Variants in MEI4 observed in about 807,000 individuals in gnomAD.
The protein encoded by MEI4 is meiotic double-stranded break formation protein 4.
A neutral mutation model predicts 31.4 loss-of-function variants in MEI4; 27 were observed. The ratio of observed to expected loss-of-function variants is 0.86; its 90% CI spans 0.63 to 1.19. MEI4 has a LOEUF of 1.19. Ranked by LOEUF, MEI4 falls within the 50% of genes most tolerant of loss-of-function variation. The pLI is 0.00. For synonymous variants in MEI4, 122 were observed against 145.4 expected (o/e 0.84, Z 1.16); for missense variants, 329 against 398.9 (o/e 0.82, Z 1.49).
At chr6:77,920,375 A>G (rs183934116) in intron 4 of MEI4, among the ~76,000 whole-genome samples, 13 of 152,172 alleles carry the variant, frequency 8.5e-5, no homozygotes, top group African/African-American at 2.9e-4. Context: ...AATACAGCAT[A>G]TAAACAGAGC....
At chr6:77,797,464 A>G (rs1769110315) in intron 3 of MEI4, among the ~76,000 whole-genome samples, 4 of 152,168 alleles carry the variant, frequency 2.6e-5, no homozygotes. Context: ...CATAAGGCAA[A>G]GTCCCATGGT....
chr6:77,712,843 C>T (rs1175918286), intron 2 of MEI4, among the ~76,000 whole-genome samples: 2 of 151,772 alleles, frequency 1.3e-5, no homozygotes, highest in South Asian at 2.1e-4. Context: ...TGGTGGTGGG[C>T]GCCTGTAGTC....
rs987303051 is a variant in MEI4 at position 77,742,880 on chromosome 6, C to A, written c.233-18250C>A. On this transcript the variant is annotated intron_variant, in intron 2 of 4. Transcript: ENST00000684080. ...CAGCACCATTTATTAAATAGGGACT[C>A]CTTTCCCCATTGCTTGTTTTTCACA... Among the ~76,000 whole-genome samples the A allele has an allele frequency of 3.3e-5, 5 of 152,026 alleles. No individual in the cohort carries two copies. In the East Asian group the frequency reaches 7.7e-4, roughly 23 times the overall value.
intron 4 of MEI4, among the ~76,000 whole-genome samples, chr6:77,921,876 A>G (rs996213809): frequency 6.6e-6 from 1 of 151,804 alleles, no homozygotes; most frequent in African/African-American, 2.4e-5. Context: ...AAAACAAAGT[A>G]GTAACATCAT....
intron 2 of MEI4, among the ~76,000 whole-genome samples, chr6:77,729,244 T>C (rs988047455): frequency 2.0e-5 from 3 of 152,226 alleles, no homozygotes; most frequent in South Asian, 2.1e-4. Context: ...CATTTATGCC[T>C]AGTGTCCCAT....
intron 1 of MEI4, among the ~76,000 whole-genome samples, chr6:77,659,006 G>A (rs1383663189): frequency 7.9e-5 from 12 of 152,058 alleles, no homozygotes; most frequent in Non-Finnish European, 1.6e-4. Flanking sequence ...AGGCCTCGGC[G>A]GTTTTGGAGG....
At chr6:77,795,323 G>C (rs1424178814) in intron 3 of MEI4, among the ~76,000 whole-genome samples, 1 of 152,100 alleles carries the variant, frequency 6.6e-6, no homozygotes, top group East Asian at 1.9e-4. Context: ...GTGGAGTTTA[G>C]AGATCCAAAT....
At chr6:77,666,876 TGTGTGTGCGTGC>T (rs1768646075) in intron 1 of MEI4, among the ~76,000 whole-genome samples, 1 of 122,034 alleles carries the variant, frequency 8.2e-6, no homozygotes, top group Admixed American at 9.0e-5. Flanking sequence ...TGTGTGTGTG[TGTGTGTGCGTGC>T]GTGCGTGCGT....
At chr6:77,808,626 G>A (rs1168827883) in intron 3 of MEI4, among the ~76,000 whole-genome samples, 1 of 152,164 alleles carries the variant, frequency 6.6e-6, no homozygotes, top group Non-Finnish European at 1.5e-5. Flanking sequence ...AACCTTGAGA[G>A]GAGGTTGTTT....
chr6:77,856,825 C>T (rs1460415375), intron 4 of MEI4, among the ~76,000 whole-genome samples: 1 of 152,156 alleles, frequency 6.6e-6, no homozygotes, highest in Non-Finnish European at 1.5e-5. Context: ...TCATCTTATC[C>T]ACCTACCTAT....
rs556261963 is a variant in MEI4 at position 77,865,118 on chromosome 6, A to T, written c.900+36056A>T. 1.7e-3 allele frequency among the ~76,000 whole-genome samples: 253 copies of T among 152,346 alleles called. 2 individuals are homozygous for T. The highest frequency in any genetic ancestry group is 5.7e-3 in the African/African-American group (238 of 41,586). ...GAAATTTATAGCACTAAATGCCCAC[A>T]AGAGAAAGCAGAAAAGATCTAAAAT... On this transcript the variant is annotated intron_variant, in intron 4 of 4. Coordinates refer to ENST00000684080, the MANE Select transcript of MEI4 (RefSeq NM_001322247.2).
intron 3 of MEI4, among the ~76,000 whole-genome samples, chr6:77,817,959 C>A (rs887198639): frequency 1.3e-5 from 2 of 152,140 alleles, no homozygotes; most frequent in Non-Finnish European, 2.9e-5. Context: ...GTTTTTTTGG[C>A]AGCAACTTGA....
At chr6:77,736,868 T>C (rs550923829) in intron 2 of MEI4, among the ~76,000 whole-genome samples, 1,731 of 46,748 alleles carry the variant, frequency 0.037, 44 homozygotes, top group African/African-American at 0.25. Flanking sequence ...CTTTTAAAAG[T>C]ATTTTGAAGG....
At chr6:77,746,061 C>G (rs914321257) in intron 2 of MEI4, among the ~76,000 whole-genome samples, 17 of 152,060 alleles carry the variant, frequency 1.1e-4, no homozygotes, top group Non-Finnish European at 2.2e-4. Context: ...ATTAAAAGAA[C>G]TAGAAAAGCA....
At chr6:77,841,620 G>T (rs983931075) in intron 4 of MEI4, among the ~76,000 whole-genome samples, 1 of 151,684 alleles carries the variant, frequency 6.6e-6, no homozygotes, top group South Asian at 2.1e-4. Context: ...GGGATTACAG[G>T]TGTGAGCCAC....
intron 4 of MEI4, among the ~76,000 whole-genome samples, chr6:77,922,381 T>C (rs558843119): frequency 6.6e-6 from 1 of 151,858 alleles, no homozygotes; most frequent in East Asian, 1.9e-4. Flanking sequence ...TGATAAACTA[T>C]CTGCTCACCT....
At chr6:77,700,014 G>T (rs139987129) in intron 2 of MEI4, among the ~76,000 whole-genome samples, 3,392 of 152,294 alleles carry the variant, frequency 0.022, 130 homozygotes, top group African/African-American at 0.078. Flanking sequence ...CTACTGTGGG[G>T]TGCCTCCCAG....
intron 4 of MEI4, among the ~76,000 whole-genome samples, chr6:77,866,532 C>A (rs1050856761): frequency 2.6e-5 from 4 of 152,086 alleles, no homozygotes; most frequent in Admixed American, 2.0e-4. Context: ...ATGTGAAGGA[C>A]CTCTTGAAGG....
At chr6:77,750,705 G>T (rs1281574999) in intron 2 of MEI4, among the ~76,000 whole-genome samples, 2 of 152,118 alleles carry the variant, frequency 1.3e-5, no homozygotes, top group Non-Finnish European at 2.9e-5. Context: ...ACATTGGACA[G>T]ATCAATGAGA....
Sources: allele counts gnomAD v4.1 joint callset (sites outside exome capture counted in the v4.1 genomes callset), GRCh38; gene constraint gnomAD v4.1.1; transcripts MANE v1.5; gene names NCBI Gene and HGNC (gene_info 2026-07-23, HGNC 2026-07-21).